Variants in PCDHGA5 observed in about 807,000 individuals in gnomAD.
The protein encoded by PCDHGA5 is protocadherin gamma-A5.
PCDHGA5 carries 36 observed loss-of-function variants against 56.7 expected under a neutral mutation model. That is an observed-to-expected ratio of 0.64 (90% CI 0.49 to 0.84). The LOEUF (loss-of-function observed/expected upper bound fraction) is 0.84. PCDHGA5 is among the 40% of genes least tolerant of loss of function. The probability of loss-of-function intolerance (pLI) is 0.00; values close to 1 mark genes in which losing one functional copy is unlikely to be tolerated. For missense variants in PCDHGA5, 1,305 were observed against 1,201.5 expected, an observed-to-expected ratio of 1.09 and a Z score of -1.27; for synonymous variants, 563 against 520.2, an observed-to-expected ratio of 1.08 and a Z score of -1.12.
At chr5:141,423,328 G>C (rs1308803675) in intron 1 of PCDHGA5, 1 of 1,614,194 alleles carries the variant, frequency 6.2e-7, no homozygotes, top group African/African-American at 1.3e-5. Flanking sequence ...GGTGGCCGCA[G>C]TCTCCTGCAT....
intron 1 of PCDHGA5, chr5:141,371,355 G>A (rs369960328): frequency 1.2e-6 from 2 of 1,613,974 alleles, no homozygotes; most frequent in Non-Finnish European, 8.5e-7. Context: ...TGGGGTGGAA[G>A]CAAAGGATGG....
At chr5:141,481,913 CA>C (rs34114744) in intron 1 of PCDHGA5, among the ~76,000 whole-genome samples, 39,195 of 90,872 alleles carry the variant, frequency 0.43, 5,902 homozygotes, top group Admixed American at 0.51. Flanking sequence ...AACTCCATCT[CA>C]AAAAAAAAAA....
chr5:141,383,159 C>A (rs769758778), intron 1 of PCDHGA5: 8 of 1,614,104 alleles, frequency 5.0e-6, no homozygotes, highest in Non-Finnish European at 5.9e-6. Context: ...TTGGTCACTG[C>A]GGGCAGGATA....
In PCDHGA5 at chr5:141,487,218, C is replaced by T; in HGVS notation, c.2422-7589C>T. The T allele has an allele frequency of 6.2e-7, 1 of 1,613,938 alleles. No individual in the cohort carries two copies. The highest frequency in any genetic ancestry group is 1.3e-5 in the African/African-American group (1 of 75,024). On this transcript the variant is annotated intron_variant, in intron 1 of 3. Coordinates refer to ENST00000518069, the MANE Select transcript of PCDHGA5 (RefSeq NM_018918.3). The surrounding 1 kb of genome is among the most constrained non-coding windows in gnomAD (Gnocchi z 5.0). ...CCAGATCTTCGAGAATCTTCAGCTCCAAGGGAAGGAGAATCTCGTCTAACC... is the reference window on the plus strand; with the variant it reads ...CCAGATCTTCGAGAATCTTCAGCTCTAAGGGAAGGAGAATCTCGTCTAACC...
At chr5:141,393,334 C>A in intron 1 of PCDHGA5, 1 of 1,613,960 alleles carries the variant, frequency 6.2e-7, no homozygotes, top group Non-Finnish European at 8.5e-7. Flanking sequence ...CAGCTCAGCC[C>A]CAATCACCAC....
chr5:141,396,274 C>G (rs2093362401), intron 1 of PCDHGA5: 2 of 152,252 alleles, frequency 1.3e-5, no homozygotes, highest in African/African-American at 2.4e-5. Flanking sequence ...GAGCTATGAT[C>G]ATGCCACTGC....
intron 1 of PCDHGA5, chr5:141,371,396 GAT>G (rs1767721375): frequency 6.2e-7 from 1 of 1,613,880 alleles, no homozygotes; most frequent in Non-Finnish European, 8.5e-7. Context: ...GTAAAGTACA[GAT>G]AGATATTTCA....
chr5:141,395,646 C>T (rs1174950813), intron 1 of PCDHGA5: 2 of 167,832 alleles, frequency 1.2e-5, no homozygotes, highest in Non-Finnish European at 2.5e-5. Flanking sequence ...TTGTTATTAG[C>T]TTAGCAAAAG....
rs752954707 is a variant in PCDHGA5 at position 141,476,801 on chromosome 5, C to T, written c.2422-18006C>T. The T allele has an allele frequency of 6.2e-7, 1 of 1,613,586 alleles. No individual in the cohort carries two copies. Among genetic ancestry groups the T allele is most frequent in the Non-Finnish European group, 8.5e-7 (1 of 1,180,020 alleles). On this transcript the variant is annotated intron_variant, in intron 1 of 3. Coordinates refer to ENST00000518069, the MANE Select transcript of PCDHGA5 (RefSeq NM_018918.3). This position sits in a 1 kb window ranked among gnomAD's most constrained non-coding sequence, Gnocchi z 7.6. Reference sequence around the variant, plus strand: ...GACCCCAGCTCTCTCCGCCAGCCTGCCTATTCACATCAAGGTGCTGGACGC... The same window carrying T: ...GACCCCAGCTCTCTCCGCCAGCCTGTCTATTCACATCAAGGTGCTGGACGC...
chr5:141,405,327 G>A, intron 1 of PCDHGA5: 1 of 1,614,166 alleles, frequency 6.2e-7, no homozygotes. Flanking sequence ...GAGCCTTTGT[G>A]CGTCTCTGTT....
chr5:141,409,474 C>T, intron 1 of PCDHGA5: 1 of 1,614,002 alleles, frequency 6.2e-7, no homozygotes, highest in Non-Finnish European at 8.5e-7. Flanking sequence ...CCATCGTAGC[C>T]ACTGACAGGG....
chr5:141,439,531 G>T (rs1474855779), intron 1 of PCDHGA5, among the ~76,000 whole-genome samples: 1 of 152,126 alleles, frequency 6.6e-6, no homozygotes, highest in Non-Finnish European at 1.5e-5. Context: ...TCTACAGAAC[G>T]CTGTCCTCTC....
intron 1 of PCDHGA5, chr5:141,372,188 G>C: frequency 6.2e-7 from 1 of 1,613,564 alleles, no homozygotes; most frequent in Non-Finnish European, 8.5e-7. Context: ...ACGCAGACTC[G>C]GGATACAACG....
intron 1 of PCDHGA5, among the ~76,000 whole-genome samples, chr5:141,463,966 A>C (rs923614502): frequency 4.6e-5 from 7 of 152,196 alleles, no homozygotes; most frequent in African/African-American, 1.7e-4. Context: ...AAATAGCTTC[A>C]TAAAACTCCA....
intron 1 of PCDHGA5, chr5:141,419,170 C>G: frequency 6.2e-7 from 1 of 1,613,966 alleles, no homozygotes; most frequent in South Asian, 1.1e-5. Flanking sequence ...CCAGCAAAAC[C>G]ATAACCCTGC....
At chr5:141,398,392 A>T in intron 1 of PCDHGA5, 1 of 1,456,390 alleles carries the variant, frequency 6.9e-7, no homozygotes, top group Non-Finnish European at 9.5e-7. Context: ...TGTGAGCAGC[A>T]GGCTAGACAG....
At chr5:141,426,334 C>T (rs551131722) in intron 1 of PCDHGA5, 1 of 186,734 alleles carries the variant, frequency 5.4e-6, no homozygotes, top group South Asian at 1.1e-4. Flanking sequence ...GTGGCAAGCA[C>T]TCTTCCCTTT....
intron 1 of PCDHGA5, chr5:141,374,104 T>C (rs200348921): frequency 1.6e-4 from 247 of 1,570,492 alleles, no homozygotes; most frequent in African/African-American, 4.1e-5. Context: ...CGCAGAGGCA[T>C]CCGCAGCGCA....
rs200715621 is a variant in PCDHGA5 at position 141,432,628 on chromosome 5, G to A, written c.2422-62179G>A. 3.2e-4 allele frequency: 515 copies of A among 1,611,902 alleles called. No individual in the cohort carries two copies. Among genetic ancestry groups the A allele is most frequent in the Non-Finnish European group, 4.2e-4 (497 of 1,179,404 alleles). On this transcript the variant is annotated intron_variant, in intron 1 of 3. Coordinates refer to ENST00000518069, the MANE Select transcript of PCDHGA5 (RefSeq NM_018918.3). The surrounding 1 kb of genome is among the most constrained non-coding windows in gnomAD (Gnocchi z 6.0). ...GACTCTTCTCGGTGGGTCTGCACAC[G>A]GGCGAGGTGCGCACGGCGCGAGCCC...
Sources: gnomAD v4.1 joint callset for allele counts (sites outside exome capture counted in the v4.1 genomes callset) on GRCh38, gnomAD v4.1.1 for gene constraint, Gnocchi (gnomAD v3.1) non-coding constraint, MANE v1.5 for transcripts, NCBI Gene and HGNC (gene_info 2026-07-23, HGNC 2026-07-21) for gene names.